Variants in NT5C3A observed in about 807,000 individuals in gnomAD.
The protein encoded by NT5C3A is 5'-nucleotidase, cytosolic IIIA, also known as cytosolic 5'-nucleotidase 3A.
In NT5C3A, 23 loss-of-function variants were observed where a neutral mutation model predicts 40.0. That is an observed-to-expected ratio of 0.58 (90% confidence interval 0.41 to 0.81). NT5C3A has a LOEUF of 0.81. Ranked by LOEUF, NT5C3A falls within the 40% of genes least tolerant of loss-of-function variation. The pLI is 0.00. For synonymous variants in NT5C3A, 130 were observed against 141.4 expected (o/e 0.92, Z 0.57); for missense variants, 328 against 403.0 (o/e 0.81, Z 1.59).
intron 5 of NT5C3A, among the ~76,000 whole-genome samples, chr7:33,020,329 C>T (rs1008345738): frequency 2.0e-5 from 3 of 152,082 alleles, no homozygotes; most frequent in Non-Finnish European, 4.4e-5. Context: ...TCATCTGATA[C>T]CTAAAAATAC....
In NT5C3A at chr7:33,062,649, G is replaced by T. The variant is rs760015669; in HGVS notation, c.57C>A (p.Ala19=). 1.3e-6 allele frequency: 2 copies of T among 1,598,262 alleles called. No homozygotes were observed. Among genetic ancestry groups the T allele is most frequent in the South Asian group, 2.2e-5 (2 of 89,136 alleles). Residue 19 remains alanine (A), a synonymous_variant, in exon 1 of 9, where the codon GCC becomes GCA. Coordinates refer to ENST00000610140, the MANE Select transcript of NT5C3A (RefSeq NM_001002010.5). ...GAGCCAGCACCACCCCCGCCACCAG[G>T]GCGCACACGCTGGCGCTCGCTACCG... ...VGAVASASVC[A]LVAGVVLAQY...
rs536616502 is a variant in NT5C3A, at chr7:33,050,787, TTG to T, written c.138+11779_138+11780del. 1.7e-3 allele frequency among the ~76,000 whole-genome samples: 262 copies of T among 152,294 alleles called. 5 individuals carry two copies. The highest frequency in any genetic ancestry group is 9.7e-4 in the East Asian group (5 of 5,174). On this transcript the variant is annotated intron_variant, in intron 1 of 8. Coordinates refer to ENST00000610140, the MANE Select transcript of NT5C3A (RefSeq NM_001002010.5). ...CATTTAAGTCTATAATGGCAGAAAG[TTG>T]TCTTACTTGGTTTAAATTGTATAGA... is the stretch of plus-strand genomic sequence containing the variant.
chr7:33,026,515 C>T (rs542411370), intron 2 of NT5C3A, among the ~76,000 whole-genome samples: 82 of 152,090 alleles, frequency 5.4e-4, no homozygotes, highest in Middle Eastern at 6.8e-3. Context: ...CCACCAGGCC[C>T]GGCTAATTTT....
intron 1 of NT5C3A, among the ~76,000 whole-genome samples, chr7:33,060,464 C>T (rs1046764173): frequency 6.7e-6 from 1 of 148,772 alleles, no homozygotes; most frequent in African/African-American, 2.5e-5. Flanking sequence ...CATGCCTAGC[C>T]ATGACTGGCT....
chr7:33,026,354 A>AAAAAAC (rs1491501239), intron 2 of NT5C3A, among the ~76,000 whole-genome samples: 2 of 24,148 alleles, frequency 8.3e-5, no homozygotes, highest in Non-Finnish European at 1.6e-4. Flanking sequence ...ATCTCAAAAG[A>AAAAAAC]AAAAAAAAAA....
rs1230534117 is a variant in NT5C3A, at chr7:33,017,616, TAACA to T, written c.531-19_531-16del. On this transcript the variant is annotated splice_polypyrimidine_tract_variant and intron_variant, in intron 6 of 8. Coordinates refer to ENST00000610140, the MANE Select transcript of NT5C3A (RefSeq NM_001002010.5). ...CATATCCTTCTCTGTAAGATGGAGATAACAAACTGGTTATTAAAGAGCAAGATAT... is the reference window on the plus strand; with the variant it reads ...CATATCCTTCTCTGTAAGATGGAGATAACTGGTTATTAAAGAGCAAGATAT... 2 of 1,602,960 alleles carry T rather than the reference TAACA, an allele frequency of 1.2e-6. No individual in the cohort carries two copies. The highest frequency in any genetic ancestry group is 1.1e-5 in the South Asian group (1 of 90,880).
intron 1 of NT5C3A, among the ~76,000 whole-genome samples, chr7:33,038,667 T>G (rs1786737700): frequency 6.6e-6 from 1 of 152,136 alleles, no homozygotes; most frequent in Admixed American, 6.5e-5. Flanking sequence ...AAAATTACTC[T>G]AAGGTCTTAT....
chr7:33,024,018 GT>G lies in NT5C3A; in HGVS notation c.307+20del. 7.4e-7 allele frequency: 1 copy of G among 1,350,506 alleles called. No homozygotes were observed. The highest frequency in any genetic ancestry group is 1.1e-6 in the Non-Finnish European group (1 of 941,590). The allele number at this position is 1,350,506 out of a possible 1,614,324, so 83.7% of individuals were successfully genotyped here. On this transcript the variant is annotated intron_variant, in intron 3 of 8. Transcript: ENST00000610140. ...AATGATGACATGCTTTTGTGAATTT[GT>G]TTACAAATATCACACTTACTATGAC... is the stretch of plus-strand genomic sequence containing the variant.
intron 1 of NT5C3A, among the ~76,000 whole-genome samples, chr7:33,032,994 C>T (rs916007498): frequency 6.6e-6 from 1 of 152,190 alleles, no homozygotes; most frequent in South Asian, 2.1e-4. Context: ...TCAAGCGATC[C>T]TCTTGCCTTG....
intron 2 of NT5C3A, among the ~76,000 whole-genome samples, chr7:33,026,353 G>GGAAAA (rs1301185554): frequency 3.2e-5 from 3 of 94,156 alleles, no homozygotes; most frequent in South Asian, 4.4e-4. Context: ...CATCTCAAAA[G>GGAAAA]AAAAAAAAAA....
At chr7:33,038,643 G>T (rs1786736787) in intron 1 of NT5C3A, among the ~76,000 whole-genome samples, 2 of 152,072 alleles carry the variant, frequency 1.3e-5, no homozygotes, top group South Asian at 4.2e-4. Flanking sequence ...AAGTGATACT[G>T]CAGTCCTTAT....
chr7:33,053,060 T>C (rs1162078943), intron 1 of NT5C3A, among the ~76,000 whole-genome samples: 2 of 152,174 alleles, frequency 1.3e-5, no homozygotes, highest in Non-Finnish European at 2.9e-5. Flanking sequence ...AAAATTGCTG[T>C]ATTGTAGGAA....
chr7:33,022,040 T>C lies in NT5C3A; in HGVS notation c.354+13A>G. 6.9e-7 allele frequency: 1 copy of C among 1,440,734 alleles called. No homozygotes were observed. The allele number at this position is 1,440,734 out of a possible 1,614,324, so 89.2% of individuals were successfully genotyped here. ...AAGTCTTTGAGTGACTATAGATTGT[T>C]GTTAGTGTTTACCTTTTTTCTACAT... On this transcript the variant is annotated intron_variant, in intron 4 of 8. Transcript: ENST00000610140.
chr7:33,040,084 G>A (rs762971458), intron 1 of NT5C3A, among the ~76,000 whole-genome samples: 43 of 152,014 alleles, frequency 2.8e-4, no homozygotes, highest in Non-Finnish European at 5.7e-4. Flanking sequence ...GAGTTCTTCT[G>A]TCCTTGAATT....
chr7:33,015,707 A>G lies in NT5C3A; in HGVS notation c.857T>C (p.Val286Ala). Residue 286 changes from valine to alanine, a missense_variant, in exon 8 of 9, where the codon GTT becomes GCT. This residue lies in a region of NT5C3A where 36 missense variants were observed against 51.1 expected (regional missense o/e 0.70). Transcript: ENST00000610140. ...DLRMADGVAN[V>A]EHILKIGYLN... Reference sequence around the variant, plus strand: ...ATATCCAATTTTCAGAATGTGCTCAACATTGGCCACTCCATCTGCCATTCT... The same window carrying G: ...ATATCCAATTTTCAGAATGTGCTCAGCATTGGCCACTCCATCTGCCATTCT... 6.2e-7 allele frequency: 1 copy of G among 1,611,120 alleles called. No individual in the cohort carries two copies. Among genetic ancestry groups the G allele is most frequent in the Non-Finnish European group, 8.5e-7 (1 of 1,177,604 alleles).
intron 1 of NT5C3A, among the ~76,000 whole-genome samples, chr7:33,035,497 C>T (rs4720097): frequency 0.72 from 110,145 of 152,062 alleles, 40,162 homozygotes; most frequent in African/African-American, 0.79. Context: ...AGTTAAGATA[C>T]GAAGCCAGTT....
chr7:33,015,476 T>C (rs1250098561), intron 8 of NT5C3A, among the ~76,000 whole-genome samples, 194 bp downstream of exon 8: 8 of 152,074 alleles, frequency 5.3e-5, no homozygotes, highest in Admixed American at 5.2e-4. Flanking sequence ...GGTGGGAGCA[T>C]TGCTTGAGCC....
intron 1 of NT5C3A, among the ~76,000 whole-genome samples, chr7:33,054,401 G>C (rs571136748): frequency 1.5e-3 from 233 of 151,502 alleles, no homozygotes; most frequent in African/African-American, 5.5e-3. Flanking sequence ...TTTCAAACTG[G>C]AACAATCATG....
At chr7:33,049,788 TGAAACCCC>T (rs1787291650) in intron 1 of NT5C3A, among the ~76,000 whole-genome samples, 1 of 150,968 alleles carries the variant, frequency 6.6e-6, no homozygotes, top group Non-Finnish European at 1.5e-5. Context: ...GCTAACACGG[TGAAACCCC>T]GTCTCTACTA....
Sources: allele counts gnomAD v4.1 joint callset (sites outside exome capture counted in the v4.1 genomes callset), GRCh38; gene constraint gnomAD v4.1.1; regional missense constraint gnomAD v4.1.1; transcripts MANE v1.5; gene names NCBI Gene and HGNC (gene_info 2026-07-23, HGNC 2026-07-21).